NKAIN2: variants seen among roughly 807,000 people sequenced by gnomAD.
NKAIN2 encodes sodium/potassium-transporting ATPase subunit beta-1-interacting protein 2.
A neutral mutation model predicts 32.6 loss-of-function variants in NKAIN2; 14 were observed. That is an observed-to-expected ratio of 0.43 (90% CI 0.28 to 0.67). NKAIN2 has a LOEUF of 0.67. NKAIN2 is among the 30% of genes least tolerant of loss of function. NKAIN2 has a pLI of 0.17. For synonymous variants in NKAIN2, 80 were observed against 87.2 expected (o/e 0.92, Z 0.46); for missense variants, 198 against 258.3 (o/e 0.77, Z 1.60).
At chr6:124,245,551 G>A (rs1793352862) in intron 1 of NKAIN2, among the ~76,000 whole-genome samples, 2 of 151,850 alleles carry the variant, frequency 1.3e-5, no homozygotes, top group South Asian at 4.1e-4. Flanking sequence ...AACTTATATT[G>A]CCCCCAGATG....
intron 1 of NKAIN2, among the ~76,000 whole-genome samples, chr6:124,208,446 A>G (rs71559987): frequency 1.3e-5 from 2 of 151,954 alleles, no homozygotes; most frequent in Non-Finnish European, 2.9e-5. Context: ...TCATAACTGA[A>G]CAATAAAATA....
intron 1 of NKAIN2, among the ~76,000 whole-genome samples, chr6:124,148,700 G>T (rs1787553054): frequency 6.6e-6 from 1 of 152,098 alleles, no homozygotes; most frequent in Non-Finnish European, 1.5e-5. Context: ...ATGTGCCATA[G>T]TTTGTTTTTG....
chr6:124,179,404 T>G (rs541806617), intron 1 of NKAIN2, among the ~76,000 whole-genome samples: 16 of 152,342 alleles, frequency 1.1e-4, no homozygotes, highest in Non-Finnish European at 1.9e-4. Flanking sequence ...TTTGCACAAG[T>G]CTGTTAATGT....
At chr6:124,729,293 G>A (rs1376200310) in intron 4 of NKAIN2, among the ~76,000 whole-genome samples, 4 of 149,568 alleles carry the variant, frequency 2.7e-5, no homozygotes, top group Non-Finnish European at 3.0e-5. Flanking sequence ...GATGAACATT[G>A]ATGCAAAAAT....
chr6:123,864,176 C>G (rs888647995), intron 1 of NKAIN2, among the ~76,000 whole-genome samples: 1 of 152,132 alleles, frequency 6.6e-6, no homozygotes, highest in Non-Finnish European at 1.5e-5. Context: ...TAGTGTCTCC[C>G]AGATTTCTAT....
At chr6:124,622,831 C>T (rs571130600) in intron 3 of NKAIN2, among the ~76,000 whole-genome samples, 7 of 152,214 alleles carry the variant, frequency 4.6e-5, no homozygotes, top group South Asian at 2.1e-4. Context: ...TCTGCCGCAT[C>T]GCTCTGCTGT....
chr6:124,249,303 G>A (rs1317542908), intron 1 of NKAIN2, among the ~76,000 whole-genome samples: 3 of 152,000 alleles, frequency 2.0e-5, no homozygotes, highest in African/African-American at 7.2e-5. Flanking sequence ...CGAAGTGAGT[G>A]GATTCTGCAA....
chr6:124,510,581 T>C (rs1216866760), intron 3 of NKAIN2, among the ~76,000 whole-genome samples: 1 of 152,208 alleles, frequency 6.6e-6, no homozygotes, highest in Admixed American at 6.5e-5. Flanking sequence ...ATATTTACAG[T>C]TGAAAGGCCT....
intron 1 of NKAIN2, among the ~76,000 whole-genome samples, chr6:124,245,510 A>AG: frequency 6.6e-6 from 1 of 152,220 alleles, no homozygotes; most frequent in East Asian, 1.9e-4. Context: ...TCATTTGCTA[A>AG]GAAAAAAAAT....
At chr6:124,619,278 G>A (rs1437450750) in intron 3 of NKAIN2, among the ~76,000 whole-genome samples, 1 of 152,128 alleles carries the variant, frequency 6.6e-6, no homozygotes, top group African/African-American at 2.4e-5. Context: ...AATGGAAAAG[G>A]AAGTTTTCTA....
intron 4 of NKAIN2, among the ~76,000 whole-genome samples, chr6:124,672,028 G>A (rs1373729455): frequency 4.0e-5 from 6 of 151,778 alleles, no homozygotes; most frequent in Admixed American, 1.3e-4. Flanking sequence ...AAAAAAGAGA[G>A]AAGAAACTGT....
At chr6:124,501,005 ACTT>A (rs1487905802) in intron 3 of NKAIN2, among the ~76,000 whole-genome samples, 1 of 152,174 alleles carries the variant, frequency 6.6e-6, no homozygotes, top group Non-Finnish European at 1.5e-5. Flanking sequence ...ACAGAAGAAA[ACTT>A]CTTTAACAAG....
chr6:124,320,907 A>G (rs1278707201), intron 2 of NKAIN2, among the ~76,000 whole-genome samples: 1 of 152,158 alleles, frequency 6.6e-6, no homozygotes, highest in African/African-American at 2.4e-5. Context: ...AAATGAGGAC[A>G]TTAAAGGAAG....
At chr6:124,793,484 T>G (rs1181990800) in intron 5 of NKAIN2, among the ~76,000 whole-genome samples, 1 of 152,102 alleles carries the variant, frequency 6.6e-6, no homozygotes, top group Non-Finnish European at 1.5e-5. Flanking sequence ...AAGTCCCCAG[T>G]TGATTTTCAT....
At chr6:124,504,382 G>A (rs1289187948) in intron 3 of NKAIN2, among the ~76,000 whole-genome samples, 3 of 152,064 alleles carry the variant, frequency 2.0e-5, no homozygotes, top group Admixed American at 6.5e-5. Flanking sequence ...AATTTCCAAT[G>A]CCATTGTGAG....
chr6:124,565,408 C>A (rs1780871619), intron 3 of NKAIN2, among the ~76,000 whole-genome samples: 1 of 152,114 alleles, frequency 6.6e-6, no homozygotes, highest in Admixed American at 6.6e-5. Flanking sequence ...ATAATCCAAA[C>A]AAAGGAAATC....
intron 3 of NKAIN2, among the ~76,000 whole-genome samples, chr6:124,481,477 A>G (rs1264348004): frequency 6.6e-6 from 1 of 152,076 alleles, no homozygotes; most frequent in African/African-American, 2.4e-5. Context: ...GTCATTATCA[A>G]TAGAAAAAAA....
intron 1 of NKAIN2, among the ~76,000 whole-genome samples, chr6:123,939,538 A>T (rs1441570851): frequency 6.6e-6 from 1 of 152,036 alleles, no homozygotes; most frequent in East Asian, 1.9e-4. Context: ...CCAATACATA[A>T]ATTATAAATG....
intron 1 of NKAIN2, among the ~76,000 whole-genome samples, chr6:124,144,723 G>A (rs953356015): frequency 1.3e-5 from 2 of 152,000 alleles, no homozygotes; most frequent in Non-Finnish European, 2.9e-5. Context: ...CTAGGGGCAG[G>A]CATAAAGATT....
Sources: allele counts gnomAD v4.1 joint callset (sites outside exome capture counted in the v4.1 genomes callset), GRCh38; gene constraint gnomAD v4.1.1; transcripts MANE v1.5; gene names NCBI Gene and HGNC (gene_info 2026-07-23, HGNC 2026-07-21).